Variants in ABCC3 observed in about 807,000 individuals in gnomAD.
The protein encoded by ABCC3 is ATP binding cassette subfamily C member 3.
Under a neutral mutation model 165.3 loss-of-function variants are expected in ABCC3, and 121 were observed. The ratio of observed to expected loss-of-function variants is 0.73; its 90% CI spans 0.63 to 0.85. The LOEUF (loss-of-function observed/expected upper bound fraction) is 0.85, where lower values mean the gene tolerates loss of function less well. Ranked by LOEUF, ABCC3 falls within the 40% of genes least tolerant of loss-of-function variation. ABCC3 has a pLI of 0.00. For synonymous variants in ABCC3, 733 were observed against 810.1 expected (o/e 0.90, Z 1.62); for missense variants, 1,869 against 1,964.1 (o/e 0.95, Z 0.92).
chr17:50,673,980 C>CTTTCTTTCCTTTCTTTCTT (rs1967725765), intron 19 of ABCC3, among the ~76,000 whole-genome samples: 1 of 9,414 alleles, frequency 1.1e-4, no homozygotes, highest in Admixed American at 1.3e-3. Context: ...TTCTTTCTTT[C>CTTTCTTTCCTTTCTTTCTT]TCTCTCTCTC....
intron 18 of ABCC3, 64 bp from the exon 19 acceptor site, chr17:50,673,405 C>T (rs1184754939): frequency 6.4e-7 from 1 of 1,566,550 alleles, no homozygotes; most frequent in Non-Finnish European, 8.7e-7. Context: ...CTCTGTGGCT[C>T]CGTGCCTGTG....
intron 4 of ABCC3, 123 bp from the exon 5 acceptor site, chr17:50,657,959 G>A: frequency 7.4e-7 from 1 of 1,359,810 alleles, no homozygotes; most frequent in South Asian, 1.3e-5. Context: ...GTGGGGACCT[G>A]GAGGCCCCCA....
chr17:50,674,525 C>T (rs760841659), intron 19 of ABCC3: 1 of 152,228 alleles, frequency 6.6e-6, no homozygotes, highest in East Asian at 1.9e-4. Context: ...TATACAGGCA[C>T]TGTTCCAGAC....
chr17:50,677,364 A>G (rs1967842373), intron 23 of ABCC3, among the ~76,000 whole-genome samples: 1 of 152,208 alleles, frequency 6.6e-6, no homozygotes, highest in Non-Finnish European at 1.5e-5. Context: ...TCTGTAATGA[A>G]TTAGTCAGTT....
At chr17:50,689,137 G>A (rs907247907) in intron 30 of ABCC3, among the ~76,000 whole-genome samples, 2 of 152,218 alleles carry the variant, frequency 1.3e-5, no homozygotes, top group African/African-American at 2.4e-5. Context: ...AGGAGGCAGA[G>A]TTTGCGCCAC....
chr17:50,647,021 G>A (rs563309279), intron 1 of ABCC3, among the ~76,000 whole-genome samples: 11 of 152,320 alleles, frequency 7.2e-5, no homozygotes, highest in African/African-American at 2.6e-4. Context: ...TGGGATTACA[G>A]GTGCCTGCCA....
intron 1 of ABCC3, among the ~76,000 whole-genome samples, chr17:50,648,994 C>T (rs1404742145): frequency 1.3e-5 from 2 of 151,918 alleles, no homozygotes; most frequent in Non-Finnish European, 2.9e-5. Context: ...TGCCTGTAAT[C>T]CCAGCTACTC....
At chr17:50,680,912 TAA>T (rs1967915359) in intron 26 of ABCC3, among the ~76,000 whole-genome samples, 1 of 151,996 alleles carries the variant, frequency 6.6e-6, no homozygotes, top group Non-Finnish European at 1.5e-5. Context: ...CCATCTCTAC[TAA>T]AAATACAAAA....
chr17:50,642,741 C>T (rs1966915816), intron 1 of ABCC3, among the ~76,000 whole-genome samples: 1 of 152,188 alleles, frequency 6.6e-6, no homozygotes, highest in African/African-American at 2.4e-5. Context: ...TTCCTGTGGC[C>T]ACTCCCCACC....
chr17:50,668,494 T>C lies in ABCC3; in HGVS notation c.1847T>C (p.Val616Ala), dbSNP rs779935623. 6.2e-7 allele frequency: 1 copy of C among 1,613,932 alleles called. No homozygotes were observed. The highest frequency in any genetic ancestry group is 1.1e-5 in the South Asian group (1 of 91,082). Residue 616 changes from valine (V) to alanine (A), a missense_variant, in exon 14 of 31, where the codon GTG (valine) becomes GCG (alanine). Val to Ala is a moderately conservative substitution (Grantham distance 64, BLOSUM62 0). Transcript: ENST00000285238. Reference protein sequence around the residue: ...LSQEELDPQSVERKTISPGYA... With the variant: ...LSQEELDPQSAERKTISPGYA... ...CAAGAGGAACTTGACCCCCAGAGTG[T>C]GGAAAGAAAGACCATCTCCCCAGGT...
chr17:50,688,232 C>A lies in ABCC3; in HGVS notation c.4475+502C>A, dbSNP rs112418942. ...GCTTCAACAATGACATTTTCTAACA[C>A]ATGGGGAAGGGCACACTGGGCTCCA... On this transcript the variant is annotated intron_variant, in intron 30 of 30. Coordinates refer to ENST00000285238, the MANE Select transcript of ABCC3 (RefSeq NM_003786.4). Among the ~76,000 whole-genome samples, 568 of 152,270 alleles carry A rather than the reference C, an allele frequency of 3.7e-3. 2 individuals carry two copies. Among genetic ancestry groups the A allele is most frequent in the African/African-American group, 0.013 (548 of 41,568 alleles).
At chr17:50,671,760 A>C (rs1182878791) in intron 17 of ABCC3, among the ~76,000 whole-genome samples, 1 of 124,614 alleles carries the variant, frequency 8.0e-6, no homozygotes, top group East Asian at 2.3e-4. Context: ...TGTTGCCCAG[A>C]CTGTAGATTG....
At position 50,667,871 on chromosome 17, in the gene ABCC3, G is replaced by A; in HGVS notation, c.1644G>A (p.Leu548=). The A allele has an allele frequency of 6.2e-7, 1 of 1,614,010 alleles. No individual in the cohort carries two copies. The highest frequency in any genetic ancestry group is 8.5e-7 in the Non-Finnish European group (1 of 1,179,930). ...TWMCSPFLVT[L]ITLWVYVYVD... ...ACCTCCACGCTGCTCAGGTGACCCT[G>A]ATCACCCTCTGGGTGTACGTGTACG... Residue 548 remains leucine, a synonymous_variant, in exon 13 of 31, where the codon CTG becomes CTA. Transcript: ENST00000285238.
Position 50,677,199 on chromosome 17 carries a change from T to A in ABCC3, c.3379-545T>A, listed in dbSNP as rs528550165. ...ACCCGGCCTTCCTGTTGGCTGTTTT[T>A]TGATAAAACATTGTCAACAGTTTGG... is the stretch of plus-strand genomic sequence containing the variant. On this transcript the variant is annotated intron_variant, in intron 23 of 30. Transcript: ENST00000285238. Among the ~76,000 whole-genome samples, 116 of 152,376 alleles carry A rather than the reference T, an allele frequency of 7.6e-4. 4 individuals are homozygous for A. In the South Asian group the frequency reaches 0.024, roughly 31 times the overall value.
intron 6 of ABCC3, 137 bp downstream of exon 6, chr17:50,658,633 G>C: frequency 1.0e-6 from 1 of 964,712 alleles, no homozygotes; most frequent in Non-Finnish European, 1.6e-6. Flanking sequence ...GCACAGGGCA[G>C]ATGAGGGTAG....
chr17:50,671,873 A>G (rs981381973), intron 17 of ABCC3, among the ~76,000 whole-genome samples: 2 of 151,516 alleles, frequency 1.3e-5, no homozygotes, highest in African/African-American at 2.4e-5. Context: ...AGGCGCACGC[A>G]ACTACAGCCC....
chr17:50,679,736 C>G (rs11568594), intron 25 of ABCC3, 62 bp from the exon 26 acceptor site: 3 of 1,507,538 alleles, frequency 2.0e-6, no homozygotes, highest in South Asian at 1.1e-5. Context: ...CTGAACTCCT[C>G]CCAAAGCCAT....
chr17:50,642,753 G>C (rs562584462), intron 1 of ABCC3, among the ~76,000 whole-genome samples: 6 of 152,130 alleles, frequency 3.9e-5, no homozygotes, highest in African/African-American at 1.2e-4. Context: ...CTCCCCACCC[G>C]CCTTACAGAG....
chr17:50,659,342 G>C lies in ABCC3; in HGVS notation c.780G>C (p.Trp260Cys), dbSNP rs1289908544. The C allele has an allele frequency of 3.7e-6, 6 of 1,612,068 alleles. No homozygotes were observed. The African/African-American group carries it at 4.0e-5, about 11-fold the overall frequency. ...QMVVQQLLEA[W>C]RKQEKQTARH... The stretch of plus-strand genomic sequence containing the variant: ...TGGTGCAGCAGCTGCTGGAGGCATG[G>C]AGGAAGCAGGAAAAGCAGACGGCAC... The change falls in exon 7 of 31, where the codon TGG becomes TGC. Residue 260 changes from tryptophan to cysteine, a missense_variant. Trp to Cys is a radical substitution (Grantham distance 215). Coordinates refer to ENST00000285238, the MANE Select transcript of ABCC3 (RefSeq NM_003786.4).
Sources: allele counts gnomAD v4.1 joint callset (sites outside exome capture counted in the v4.1 genomes callset), GRCh38; gene constraint gnomAD v4.1.1; transcripts MANE v1.5; gene names NCBI Gene and HGNC (gene_info 2026-07-23, HGNC 2026-07-21).